TP63: variants seen among roughly 807,000 people sequenced by gnomAD.
The protein encoded by TP63 is tumor protein 63.
In TP63, 17 loss-of-function variants were observed where a neutral mutation model predicts 82.8. That is an observed-to-expected ratio of 0.21 (90% confidence interval 0.14 to 0.31). TP63 has a LOEUF of 0.31. TP63 is among the 10% of genes least tolerant of loss of function. TP63 has a pLI of 1.00. For missense variants in TP63, 648 were observed against 895.3 expected, an observed-to-expected ratio of 0.72 and a Z score of 3.52; for synonymous variants, 330 against 321.7, an observed-to-expected ratio of 1.03 and a Z score of -0.28.
chr3:189,862,518 A>G (rs116535451), intron 4 of TP63, among the ~76,000 whole-genome samples: 1,870 of 152,284 alleles, frequency 0.012, 46 homozygotes, highest in African/African-American at 0.043. Flanking sequence ...CATTTCTGCA[A>G]TCTTTACATA....
At chr3:189,711,402 T>G (rs150082988) in intron 1 of TP63, among the ~76,000 whole-genome samples, 286 of 152,268 alleles carry the variant, frequency 1.9e-3, no homozygotes, top group South Asian at 0.018. Flanking sequence ...AATGACAACA[T>G]TAGTAAGACA....
At chr3:189,743,851 C>T (rs934957366) in intron 3 of TP63, among the ~76,000 whole-genome samples, 1 of 152,182 alleles carries the variant, frequency 6.6e-6, no homozygotes, top group South Asian at 2.1e-4. Flanking sequence ...GGAGACCCCT[C>T]ACGGTCCACA....
intron 3 of TP63, among the ~76,000 whole-genome samples, chr3:189,762,854 G>T (rs1722681062): frequency 6.6e-6 from 1 of 152,156 alleles, no homozygotes; most frequent in South Asian, 2.1e-4. Context: ...CAATAAACTA[G>T]ATTATTAATG....
chr3:189,886,518 C>G lies in TP63; in HGVS notation c.1474C>G (p.Pro492Ala). ...CCCTCAGCAGCGCAACGCCCTCACTCCTACAACCATTCCTGATGGCATGGG... is the reference window on the plus strand; with the variant it reads ...CCCTCAGCAGCGCAACGCCCTCACTGCTACAACCATTCCTGATGGCATGGG... ...INPQQRNALT[P>A]TTIPDGMGAN... The change falls in exon 11 of 14, where the codon CCT becomes GCT. Residue 492 changes from proline to alanine, a missense_variant. Pro to Ala is a conservative substitution (Grantham distance 27, BLOSUM62 -1). Coordinates refer to ENST00000264731, the MANE Select transcript of TP63 (RefSeq NM_003722.5). The G allele has an allele frequency of 6.2e-7, 1 of 1,614,108 alleles. No individual in the cohort carries two copies. The highest frequency in any genetic ancestry group is 2.2e-5 in the East Asian group (1 of 44,854).
the TP63 span, among the ~76,000 whole-genome samples, chr3:189,598,495 A>C: frequency 6.6e-6 from 1 of 152,258 alleles, no homozygotes; most frequent in African/African-American, 2.4e-5. Context: ...CCTGAACTTC[A>C]AGCAGGCTAA....
Position 189,738,638 on chromosome 3 carries a change from TTAGGCCTA to T in TP63, c.192-1_198del, listed in dbSNP as rs1720766784. 6.2e-7 allele frequency: 1 copy of T among 1,614,118 alleles called. No homozygotes were observed. The highest frequency in any genetic ancestry group is 8.5e-7 in the Non-Finnish European group (1 of 1,179,982). On this transcript the variant is annotated splice_acceptor_variant and splice_polypyrimidine_tract_variant and coding_sequence_variant and intron_variant, in exon 3 of 14. Transcript: ENST00000264731. LOFTEE classifies it high-confidence loss of function. ...AACTCACTTTTTTCTTTCCTATGTG[TTAGGCCTA>T]TATGTTCAGTTCAGCCCATTGACTT...
chr3:189,679,808 A>G (rs765425538), intron 1 of TP63, among the ~76,000 whole-genome samples: 25 of 152,298 alleles, frequency 1.6e-4, no homozygotes, highest in Middle Eastern at 3.4e-3. Context: ...TTGGCATAAA[A>G]TAAGTATCCA....
At chr3:189,654,200 GAAAC>G (rs2108641226) in intron 1 of TP63, among the ~76,000 whole-genome samples, 1 of 149,956 alleles carries the variant, frequency 6.7e-6, no homozygotes, top group East Asian at 2.0e-4. Flanking sequence ...CTAAACATTT[GAAAC>G]AAACATTTAA....
intron 11 of TP63, among the ~76,000 whole-genome samples, chr3:189,887,054 CAA>C (rs1013334810): frequency 2.6e-5 from 4 of 151,772 alleles, no homozygotes; most frequent in Non-Finnish European, 5.9e-5. Flanking sequence ...ATTAAAAATA[CAA>C]AAGTTAGCTG....
At chr3:189,782,510 A>G (rs1724304222) in intron 3 of TP63, among the ~76,000 whole-genome samples, 1 of 152,154 alleles carries the variant, frequency 6.6e-6, no homozygotes, top group Admixed American at 6.6e-5. Context: ...AAAAATAAGA[A>G]TTTATAGGAG....
intron 1 of TP63, among the ~76,000 whole-genome samples, chr3:189,727,679 C>A (rs1184809634): frequency 1.3e-5 from 2 of 152,122 alleles, no homozygotes; most frequent in African/African-American, 4.8e-5. Flanking sequence ...TCCTGAGCTC[C>A]ATTTTCATGT....
chr3:189,781,695 C>T (rs933277615), intron 3 of TP63, among the ~76,000 whole-genome samples: 1 of 152,096 alleles, frequency 6.6e-6, no homozygotes, highest in Non-Finnish European at 1.5e-5. Context: ...CATCTCCTGC[C>T]CAACCTATTA....
chr3:189,893,969 G>A (rs1577212788), intron 13 of TP63, among the ~76,000 whole-genome samples: 2 of 152,048 alleles, frequency 1.3e-5, no homozygotes, highest in African/African-American at 4.8e-5. Flanking sequence ...AGAAACTGAG[G>A]CCAGTAGAGA....
chr3:189,888,293 A>G (rs1171379216), intron 11 of TP63, among the ~76,000 whole-genome samples: 2 of 152,208 alleles, frequency 1.3e-5, no homozygotes, highest in Admixed American at 1.3e-4. Context: ...TGACCCCTTG[A>G]CAGGCCTACT....
chr3:189,655,254 G>A (rs1339422989), intron 1 of TP63, among the ~76,000 whole-genome samples: 4 of 152,118 alleles, frequency 2.6e-5, no homozygotes, highest in Non-Finnish European at 2.9e-5. Context: ...CTCCTCTTAC[G>A]ACAAGAAAAA....
the TP63 span, among the ~76,000 whole-genome samples, chr3:189,619,241 TGA>T: frequency 0.077 from 11,686 of 152,200 alleles, 639 homozygotes; most frequent in East Asian, 0.31. Flanking sequence ...TAAAAGCATT[TGA>T]GAGGGGGGAT....
intron 1 of TP63, among the ~76,000 whole-genome samples, chr3:189,689,118 T>C (rs1343227592): frequency 1.6e-5 from 2 of 128,552 alleles, no homozygotes; most frequent in Admixed American, 8.0e-5. Flanking sequence ...TTTTTTTTTT[T>C]TTTTTTTTTT....
chr3:189,802,763 A>G (rs1273297688), intron 3 of TP63, among the ~76,000 whole-genome samples: 2 of 152,178 alleles, frequency 1.3e-5, no homozygotes, highest in African/African-American at 2.4e-5. Flanking sequence ...CCAGTCACTC[A>G]TGGATTATAA....
intron 3 of TP63, among the ~76,000 whole-genome samples, chr3:189,785,781 A>G (rs573486349): frequency 6.6e-6 from 1 of 152,160 alleles, no homozygotes; most frequent in African/African-American, 2.4e-5. Flanking sequence ...CACCCTGAGG[A>G]GTGACATGAT....
Sources: allele counts gnomAD v4.1 joint callset (sites outside exome capture counted in the v4.1 genomes callset), GRCh38; gene constraint gnomAD v4.1.1; transcripts MANE v1.5; gene names NCBI Gene and HGNC (gene_info 2026-07-23, HGNC 2026-07-21).